The following HEATR5A variants were observed in gnomAD, a reference collection of about 807,000 sequenced individuals.
HEATR5A encodes HEAT repeat-containing protein 5A.
A neutral mutation model predicts 218.8 loss-of-function variants in HEATR5A; 178 were observed. The ratio of observed to expected loss-of-function variants is 0.81; its 90% CI spans 0.72 to 0.92. The LOEUF (loss-of-function observed/expected upper bound fraction) is 0.92, where lower values mean the gene tolerates loss of function less well. HEATR5A is among the 40% of genes least tolerant of loss of function. The pLI, the probability that HEATR5A is intolerant of heterozygous loss-of-function variation, is 0.00. For missense variants in HEATR5A, 2,420 were observed against 2,418.9 expected (o/e 1.00, Z -0.01); for synonymous variants, 864 against 871.6 (o/e 0.99, Z 0.15).
At chr14:31,299,852 G>A (rs147929593) in intron 33 of HEATR5A, among the ~76,000 whole-genome samples, 6 of 150,772 alleles carry the variant, frequency 4.0e-5, no homozygotes, top group African/African-American at 1.5e-4. Flanking sequence ...CCAACATGGT[G>A]AAACCGTCTC....
intron 9 of HEATR5A, 90 bp from the exon 10 acceptor site, chr14:31,383,861 TAAAATATA>T: frequency 1.1e-6 from 1 of 940,848 alleles, no homozygotes; most frequent in Admixed American, 3.3e-5. Flanking sequence ...CACATGGATA[TAAAATATA>T]TTTTTATCAA....
chr14:31,295,628 C>T (rs1899166708), intron 34 of HEATR5A: 1 of 188,372 alleles, frequency 5.3e-6, no homozygotes, highest in Admixed American at 6.1e-5. Context: ...ATAAAAGTCC[C>T]TTATAAAGTT....
At chr14:31,375,815 G>A (rs1461587022) in intron 11 of HEATR5A, among the ~76,000 whole-genome samples, 1 of 152,176 alleles carries the variant, frequency 6.6e-6, no homozygotes. Flanking sequence ...CAACATTTAT[G>A]AATTGAAGGA....
intron 13 of HEATR5A, among the ~76,000 whole-genome samples, chr14:31,365,406 G>A (rs1020720051): frequency 1.3e-5 from 2 of 151,488 alleles, no homozygotes; most frequent in Non-Finnish European, 2.9e-5. Flanking sequence ...TATTGCCCAG[G>A]CTGGAGTGCA....
Position 31,382,917 on chromosome 14 carries a change from T to C in HEATR5A, c.1596+604A>G, listed in dbSNP as rs1379299217. Among the ~76,000 whole-genome samples the C allele has an allele frequency of 2.0e-5, 3 of 151,684 alleles. No individual in the cohort carries two copies. In the Admixed American group the frequency reaches 2.0e-4, roughly 10 times the overall value. On this transcript the variant is annotated intron_variant, in intron 10 of 35. Coordinates refer to ENST00000543095, the MANE Select transcript of HEATR5A (RefSeq NM_015473.4). ...TTGATGACTTCCTTACTTTCTGGCA[T>C]GACAAGATATCCCAAGTTTATGTTG...
Position 31,302,337 on chromosome 14 carries a change from G to A in HEATR5A, c.5422C>T (p.Leu1808Phe). The A allele has an allele frequency of 6.2e-7, 1 of 1,604,100 alleles. No homozygotes were observed. Among genetic ancestry groups the A allele is most frequent in the Non-Finnish European group, 8.5e-7 (1 of 1,175,188 alleles). Residue 1808 changes from leucine (L) to phenylalanine (F), a missense_variant, in exon 33 of 36, where the codon CTC (leucine) becomes TTC (phenylalanine). Leu to Phe is a conservative substitution (Grantham distance 22). Coordinates refer to ENST00000543095, the MANE Select transcript of HEATR5A (RefSeq NM_015473.4). ...AGAATTGTTGTTAAGGCACTTCGGA[G>A]AAGGTCAGTCCAAGCAGTACGGCTC... ...EKSRTAWTDL[L>F]RSALTTILDC...
intron 17 of HEATR5A, 70 bp downstream of exon 17, chr14:31,350,542 G>A (rs947438268): frequency 1.9e-5 from 16 of 830,144 alleles, no homozygotes; most frequent in Admixed American, 7.8e-5. Flanking sequence ...ATCATCCTCC[G>A]ACAAACTTCA....
Position 31,399,144 on chromosome 14 carries a change from T to C in HEATR5A, c.339-363A>G, listed in dbSNP as rs114022200. 8.8e-3 allele frequency among the ~76,000 whole-genome samples: 1,333 copies of C among 152,336 alleles called. 17 individuals carry two copies. Among genetic ancestry groups the C allele is most frequent in the African/African-American group, 0.03 (1,239 of 41,574 alleles). Reference sequence around the variant, plus strand: ...AAGAGTCCAAATTCATTCTTTTGCATGTGGACATACAGTTATACTGGCATC... The same window carrying C: ...AAGAGTCCAAATTCATTCTTTTGCACGTGGACATACAGTTATACTGGCATC... On this transcript the variant is annotated intron_variant, in intron 3 of 35. Coordinates refer to ENST00000543095, the MANE Select transcript of HEATR5A (RefSeq NM_015473.4).
intron 13 of HEATR5A, among the ~76,000 whole-genome samples, chr14:31,364,949 A>G (rs1171045340): frequency 6.6e-6 from 1 of 151,948 alleles, no homozygotes; most frequent in Non-Finnish European, 1.5e-5. Context: ...ATCTCGGCTC[A>G]CTGCAACCTC....
chr14:31,402,933 T>C lies in HEATR5A; in HGVS notation c.43A>G (p.Asn15Asp), dbSNP rs1453354601. Residue 15 changes from asparagine to aspartate, a missense_variant, in exon 2 of 36, where the codon AAT becomes GAT. Transcript: ENST00000543095. ...HSLLLNEEAY[N>D]QLGEVQKAEF... ...GCCTTCTGAACTTCACCTAGTTGAT[T>C]GTATGCTTCTTCATTCAGCAGTAAG... The C allele has an allele frequency of 3.3e-6, 5 of 1,536,130 alleles. No homozygotes were observed. The highest frequency in any genetic ancestry group is 2.7e-5 in the African/African-American group (2 of 73,044).
At chr14:31,400,984 C>A (rs1056648052) in intron 2 of HEATR5A, among the ~76,000 whole-genome samples, 3 of 151,874 alleles carry the variant, frequency 2.0e-5, no homozygotes, top group South Asian at 4.2e-4. Context: ...GGACTACAGG[C>A]GCCCGCCACC....
chr14:31,310,397 T>C (rs1228823575), intron 28 of HEATR5A, among the ~76,000 whole-genome samples: 1 of 152,148 alleles, frequency 6.6e-6, no homozygotes, highest in Non-Finnish European at 1.5e-5. Flanking sequence ...CCCAGCACTG[T>C]GGGAGGCTGA....
intron 26 of HEATR5A, among the ~76,000 whole-genome samples, chr14:31,316,390 A>C (rs1347820168): frequency 6.6e-6 from 1 of 152,212 alleles, no homozygotes; most frequent in Non-Finnish European, 1.5e-5. Context: ...CTAGTCACTG[A>C]GACTATATTG....
At position 31,388,862 on chromosome 14, in the gene HEATR5A, G is replaced by A; in HGVS notation, c.916C>T (p.Arg306Ter). 6 of 1,613,606 alleles carry A rather than the reference G, an allele frequency of 3.7e-6. No homozygotes were observed. Among genetic ancestry groups the A allele is most frequent in the Non-Finnish European group, 5.1e-6 (6 of 1,179,660 alleles). The stretch of plus-strand genomic sequence containing the variant: ...ATTCCAACCTGAGTAACTCCAACTC[G>A]AACATCCCTACTGACTGAACTGGTT... ...KGTSSVSRDV[R>*]VGVTQAYVVF... Residue 306 changes from arginine (R) to a stop codon, truncating the protein, a stop_gained, in exon 7 of 36, where the codon CGA becomes TGA. Transcript: ENST00000543095. LOFTEE classifies it high-confidence loss of function.
rs1398663492 is a variant in HEATR5A at position 31,364,219 on chromosome 14, A to G, written c.2041T>C (p.Leu681=). 6.5e-7 allele frequency: 1 copy of G among 1,546,436 alleles called. No individual in the cohort carries two copies. Among genetic ancestry groups the G allele is most frequent in the Non-Finnish European group, 8.8e-7 (1 of 1,140,624 alleles). The change falls in exon 14 of 36, where the codon TTG becomes CTG. Residue 681 remains leucine (L), a synonymous_variant. Coordinates refer to ENST00000543095, the MANE Select transcript of HEATR5A (RefSeq NM_015473.4). ...TAGGTCTCAGGAGGTAATAAAATCAACAGTTCATAAAGTCTTTGTCTATAA... is the reference window on the plus strand; with the variant it reads ...TAGGTCTCAGGAGGTAATAAAATCAGCAGTTCATAAAGTCTTTGTCTATAA... The part of the protein sequence containing the change: ...VVYRQRLYEL[L]ILLPPETYEG...
chr14:31,391,066 AT>A (rs201056143), intron 6 of HEATR5A, among the ~76,000 whole-genome samples: 13,591 of 152,144 alleles, frequency 0.089, 713 homozygotes, highest in East Asian at 0.16. Context: ...GTTAAAAAAA[AT>A]TTTTTTAATA....
intron 4 of HEATR5A, among the ~76,000 whole-genome samples, chr14:31,397,552 G>T (rs887088664): frequency 5.9e-5 from 9 of 151,684 alleles, no homozygotes; most frequent in Non-Finnish European, 1.0e-4. Context: ...CCAGCTACTT[G>T]TGAGGCCGAG....
chr14:31,298,533 C>T (rs1002169832), intron 33 of HEATR5A, among the ~76,000 whole-genome samples: 9 of 152,080 alleles, frequency 5.9e-5, no homozygotes, highest in African/African-American at 1.2e-4. Context: ...TGGCCTCAAG[C>T]GGTCCTCTTG....
In HEATR5A at chr14:31,333,965, A is replaced by G. The variant is rs1900563037; in HGVS notation, c.3367+3511T>C. Reference sequence around the variant, plus strand: ...AGGTGGAAAGATCACATGAGCCTGGAAAGTAGAGGCTGAAGTGAGCCCAGG... The same window carrying G: ...AGGTGGAAAGATCACATGAGCCTGGGAAGTAGAGGCTGAAGTGAGCCCAGG... On this transcript the variant is annotated intron_variant, in intron 22 of 35. Transcript: ENST00000543095. Among the ~76,000 whole-genome samples the G allele has an allele frequency of 3.3e-5, 5 of 150,486 alleles. No homozygotes were observed. In the Admixed American group the frequency reaches 3.4e-4, roughly 10 times the overall value.
Sources: gnomAD v4.1 joint callset for allele counts (sites outside exome capture counted in the v4.1 genomes callset) on GRCh38, gnomAD v4.1.1 for gene constraint, MANE v1.5 for transcripts, NCBI Gene and HGNC (gene_info 2026-07-23, HGNC 2026-07-21) for gene names.